The following ZBTB20 variants were observed in gnomAD, a reference collection of about 807,000 sequenced individuals.
The protein encoded by ZBTB20 is zinc finger and BTB domain-containing protein 20.
In ZBTB20, 9 loss-of-function variants were observed where a neutral mutation model predicts 56.9. That is an observed-to-expected ratio of 0.16 (90% CI 0.10 to 0.28). The LOEUF is 0.28. ZBTB20 is among the 10% of genes least tolerant of loss of function. The pLI, the probability that ZBTB20 is intolerant of heterozygous loss-of-function variation, is 1.00. For missense variants in ZBTB20, 655 were observed against 1,003.0 expected (o/e 0.65, Z 4.69); for synonymous variants, 417 against 420.7 (o/e 0.99, Z 0.11).
At chr3:114,556,537 C>T (rs1349375812) in intron 6 of ZBTB20, among the ~76,000 whole-genome samples, 1 of 151,946 alleles carries the variant, frequency 6.6e-6, no homozygotes, top group Admixed American at 6.6e-5. Flanking sequence ...TTGAATGGCT[C>T]AACTAAATAA....
chr3:114,520,463 G>A (rs554535497), intron 6 of ZBTB20, among the ~76,000 whole-genome samples: 6 of 152,312 alleles, frequency 3.9e-5, no homozygotes, highest in African/African-American at 1.4e-4. Context: ...GCAATGTAAA[G>A]GGTAAATCGT....
intron 6 of ZBTB20, among the ~76,000 whole-genome samples, chr3:114,599,789 G>T (rs1485500311): frequency 6.6e-6 from 1 of 151,940 alleles, no homozygotes; most frequent in African/African-American, 2.4e-5. Context: ...AATCTACTAA[G>T]AAGTAGACGA....
At chr3:114,439,031 C>T (rs565749237) in intron 7 of ZBTB20, among the ~76,000 whole-genome samples, 6 of 152,236 alleles carry the variant, frequency 3.9e-5, no homozygotes, top group Admixed American at 2.6e-4. Context: ...TCAGAAAATC[C>T]TGGGGTCTGC....
At chr3:115,140,738 G>A (rs984975040) in intron 1 of ZBTB20, among the ~76,000 whole-genome samples, 4 of 152,050 alleles carry the variant, frequency 2.6e-5, no homozygotes, top group African/African-American at 9.7e-5. Context: ...ATGACAGTAA[G>A]AAAATGGGTA....
At chr3:114,960,474 G>A (rs1257457264) in intron 3 of ZBTB20, among the ~76,000 whole-genome samples, 1 of 152,214 alleles carries the variant, frequency 6.6e-6, no homozygotes, top group Non-Finnish European at 1.5e-5. Flanking sequence ...AGCTACAGAG[G>A]ATTAATAATT....
Position 114,532,556 on chromosome 3 carries a change from C to T in ZBTB20, c.-294-32165G>A, listed in dbSNP as rs557759133. Among the ~76,000 whole-genome samples the T allele has an allele frequency of 2.6e-4, 40 of 152,302 alleles. 1 individual carries two copies. The highest frequency in any genetic ancestry group is 1.6e-3 in the Admixed American group (24 of 15,296). ...ACCTGGGGGAAGGGGCAGCTGTGGG[C>T]GCAGTTTCAGCAGACTTAAACGTTC... On this transcript the variant is annotated intron_variant, in intron 6 of 11. Transcript: ENST00000675478.
intron 6 of ZBTB20, among the ~76,000 whole-genome samples, chr3:114,530,492 A>C (rs2047721285): frequency 6.6e-6 from 1 of 152,210 alleles, no homozygotes; most frequent in African/African-American, 2.4e-5. Context: ...CACAACGATG[A>C]AATTGCCTAA....
chr3:114,473,115 T>TC (rs1174325922), intron 7 of ZBTB20, among the ~76,000 whole-genome samples: 1 of 152,158 alleles, frequency 6.6e-6, no homozygotes. Flanking sequence ...CAGACATACT[T>TC]CAACTGTGGC....
At chr3:114,530,925 T>C (rs2047771227) in intron 6 of ZBTB20, among the ~76,000 whole-genome samples, 2 of 152,214 alleles carry the variant, frequency 1.3e-5, no homozygotes, top group South Asian at 4.1e-4. Context: ...TTCTCATCTA[T>C]TCTTTAAGTA....
intron 7 of ZBTB20, among the ~76,000 whole-genome samples, chr3:114,414,575 A>G (rs1443930936): frequency 6.6e-6 from 1 of 152,066 alleles, no homozygotes; most frequent in Non-Finnish European, 1.5e-5. Context: ...TGTGTCCCTC[A>G]TAACAAAAGT....
chr3:114,552,336 G>C (rs930553671), intron 6 of ZBTB20, among the ~76,000 whole-genome samples: 1 of 152,104 alleles, frequency 6.6e-6, no homozygotes, highest in Non-Finnish European at 1.5e-5. Context: ...GTCATGAAGA[G>C]AGAAAACATC....
chr3:115,119,075 T>A (rs746176658), intron 1 of ZBTB20, among the ~76,000 whole-genome samples: 14 of 152,126 alleles, frequency 9.2e-5, no homozygotes, highest in Middle Eastern at 3.2e-3. Flanking sequence ...CAAAACAAGA[T>A]CCCCACTTAA....
intron 2 of ZBTB20, among the ~76,000 whole-genome samples, chr3:115,024,278 G>A (rs892447166): frequency 2.6e-5 from 4 of 151,056 alleles, no homozygotes; most frequent in South Asian, 2.1e-4. Flanking sequence ...ACTATGGTAA[G>A]TGCTATTGAT....
At chr3:114,868,919 T>A (rs1463486546) in intron 4 of ZBTB20, among the ~76,000 whole-genome samples, 1 of 151,996 alleles carries the variant, frequency 6.6e-6, no homozygotes, top group Non-Finnish European at 1.5e-5. Context: ...ACCCTAACAG[T>A]CATTTTTTTT....
At chr3:114,589,158 A>C (rs540405739) in intron 6 of ZBTB20, among the ~76,000 whole-genome samples, 11 of 152,302 alleles carry the variant, frequency 7.2e-5, no homozygotes, top group Non-Finnish European at 1.3e-4. Flanking sequence ...GGACACAGCC[A>C]AACCATATCA....
At chr3:114,533,407 T>C (rs1368346295) in intron 6 of ZBTB20, among the ~76,000 whole-genome samples, 1 of 151,756 alleles carries the variant, frequency 6.6e-6, no homozygotes, top group Non-Finnish European at 1.5e-5. Context: ...GAAGATCAAC[T>C]TAATGAAATA....
chr3:114,648,949 A>G (rs557580017), intron 6 of ZBTB20, among the ~76,000 whole-genome samples: 2 of 152,200 alleles, frequency 1.3e-5, no homozygotes, highest in South Asian at 4.1e-4. Context: ...TAAAAATAAT[A>G]TAGTTTTAAG....
chr3:114,478,061 A>G (rs2041066688), intron 7 of ZBTB20, among the ~76,000 whole-genome samples: 1 of 149,384 alleles, frequency 6.7e-6, no homozygotes, highest in South Asian at 2.1e-4. Context: ...GCTCACCGCA[A>G]CCCCTGCCTC....
chr3:114,429,511 C>A (rs1372286779), intron 7 of ZBTB20, among the ~76,000 whole-genome samples: 1 of 152,102 alleles, frequency 6.6e-6, no homozygotes, highest in East Asian at 1.9e-4. Context: ...AGAAACAGAG[C>A]TCTCTAGGCA....
Sources: gnomAD v4.1 joint callset for allele counts (sites outside exome capture counted in the v4.1 genomes callset) on GRCh38, gnomAD v4.1.1 for gene constraint, MANE v1.5 for transcripts, NCBI Gene and HGNC (gene_info 2026-07-23, HGNC 2026-07-21) for gene names.